Variants in PDE3B observed in about 807,000 individuals in gnomAD.
PDE3B encodes phosphodiesterase 3B.
In PDE3B, 66 loss-of-function variants were observed where a neutral mutation model predicts 116.8. The observed-to-expected ratio is 0.56, with a 90% confidence interval of 0.46 to 0.69. PDE3B has a LOEUF of 0.69. Among genes scored for constraint, PDE3B ranks in the 30% least tolerant of loss-of-function variants. The pLI is 0.00. For missense variants in PDE3B, 1,384 were observed against 1,368.1 expected, an observed-to-expected ratio of 1.01 and a Z score of -0.18; for synonymous variants, 595 against 533.6, an observed-to-expected ratio of 1.12 and a Z score of -1.59.
chr11:14,860,799 G>C (rs1555006998), intron 13 of PDE3B, among the ~76,000 whole-genome samples: 1 of 152,002 alleles, frequency 6.6e-6, no homozygotes. Context: ...TTCACAGCAA[G>C]GGCAAACTTC....
chr11:14,788,505 A>G (rs548525673), intron 3 of PDE3B, among the ~76,000 whole-genome samples: 2 of 152,142 alleles, frequency 1.3e-5, no homozygotes, highest in South Asian at 2.1e-4. Context: ...AGCAGAAACT[A>G]TTATGTAAAT....
At chr11:14,774,516 A>C (rs926008173) in intron 2 of PDE3B, 6 of 152,170 alleles carry the variant, frequency 3.9e-5, no homozygotes, top group Non-Finnish European at 7.4e-5. Flanking sequence ...GAAACATATG[A>C]CCATTGCTAC....
At chr11:14,733,252 G>A (rs1856509395) in intron 1 of PDE3B, among the ~76,000 whole-genome samples, 1 of 152,160 alleles carries the variant, frequency 6.6e-6, no homozygotes, top group Admixed American at 6.5e-5. Flanking sequence ...AGGAGTGAAT[G>A]TTTTATCTTG....
At chr11:14,705,370 G>A (rs529874007) in intron 1 of PDE3B, among the ~76,000 whole-genome samples, 1 of 151,672 alleles carries the variant, frequency 6.6e-6, no homozygotes, top group South Asian at 2.1e-4. Context: ...AAAACATGAC[G>A]CTAAATGGAG....
chr11:14,728,710 C>A (rs1201097814), intron 1 of PDE3B, among the ~76,000 whole-genome samples: 1 of 152,028 alleles, frequency 6.6e-6, no homozygotes, highest in Non-Finnish European at 1.5e-5. Flanking sequence ...CCTTCTTAAA[C>A]AGGTAATTAT....
intron 1 of PDE3B, among the ~76,000 whole-genome samples, chr11:14,650,199 ATG>A (rs1466476642): frequency 6.8e-6 from 1 of 148,084 alleles, no homozygotes; most frequent in Non-Finnish European, 1.5e-5. Flanking sequence ...GCATTCAGCA[ATG>A]TTTTTTTTTT....
rs576469044 is a variant in PDE3B, at chr11:14,845,559, C to G, written c.2520+1533C>G. Among the ~76,000 whole-genome samples, 80 of 152,228 alleles carry G rather than the reference C, an allele frequency of 5.3e-4. 1 individual carries two copies. Among genetic ancestry groups the G allele is most frequent in the African/African-American group, 1.9e-3 (79 of 41,542 alleles). On this transcript the variant is annotated intron_variant, in intron 12 of 15. Transcript: ENST00000282096. ...TTACTCTGAGCTACAGGAGGAAATT[C>G]AAACCAAAGGCAAAGAAGTTGAAAA...
chr11:14,892,637 T>G, the PDE3B span, among the ~76,000 whole-genome samples: 90 of 152,338 alleles, frequency 5.9e-4, no homozygotes, highest in African/African-American at 2.0e-3. Flanking sequence ...TGATCAACAC[T>G]GCAGTCTTTA....
intron 1 of PDE3B, among the ~76,000 whole-genome samples, chr11:14,655,419 C>G (rs1853689303): frequency 6.6e-6 from 1 of 151,968 alleles, no homozygotes; most frequent in African/African-American, 2.4e-5. Flanking sequence ...TTATTTATAC[C>G]TTTAATTCAT....
chr11:14,896,700 T>G, the PDE3B span, among the ~76,000 whole-genome samples: 1 of 152,200 alleles, frequency 6.6e-6, no homozygotes, highest in East Asian at 1.9e-4. Flanking sequence ...CTACAATTCT[T>G]CCCTATCAAC....
chr11:14,739,777 A>G (rs1407889675), intron 1 of PDE3B, among the ~76,000 whole-genome samples: 1 of 152,178 alleles, frequency 6.6e-6, no homozygotes, highest in African/African-American at 2.4e-5. Flanking sequence ...GATACGTTCC[A>G]TCGACACCTA....
At chr11:14,837,960 A>T (rs1431792416) in intron 11 of PDE3B, among the ~76,000 whole-genome samples, 2 of 149,322 alleles carry the variant, frequency 1.3e-5, no homozygotes, top group Non-Finnish European at 3.0e-5. Context: ...AGAAACCCTT[A>T]TTTTTTTTTT....
At chr11:14,760,054 T>C (rs1296303951) in intron 1 of PDE3B, among the ~76,000 whole-genome samples, 2 of 152,186 alleles carry the variant, frequency 1.3e-5, no homozygotes, top group East Asian at 1.9e-4. Flanking sequence ...TATTGCAATA[T>C]AATATTGTTG....
At chr11:14,861,493 T>G in intron 14 of PDE3B, 127 bp downstream of exon 14, 2 of 819,844 alleles carry the variant, frequency 2.4e-6, no homozygotes, top group South Asian at 1.7e-5. Flanking sequence ...GGGTTAAAAA[T>G]TGTTGCATTT....
At chr11:14,681,296 C>T (rs1854698476) in intron 1 of PDE3B, among the ~76,000 whole-genome samples, 1 of 152,072 alleles carries the variant, frequency 6.6e-6, no homozygotes, top group African/African-American at 2.4e-5. Flanking sequence ...GGCTGTGTTC[C>T]CACCCAAATC....
In PDE3B at chr11:14,871,626, A is replaced by G. The variant is rs1285121911; in HGVS notation, c.*1966A>G. ...AAAAGCAGCATTTTAAATTACGAATACTGGACTTATTGGATTTAATTATAA... is the reference window on the plus strand; with the variant it reads ...AAAAGCAGCATTTTAAATTACGAATGCTGGACTTATTGGATTTAATTATAA... On this transcript the variant is annotated 3_prime_UTR_variant, in exon 16 of 16. Transcript: ENST00000282096. 9 of 152,262 alleles carry G rather than the reference A, an allele frequency of 5.9e-5. No homozygotes were observed. In the East Asian group the frequency reaches 1.3e-3, roughly 23 times the overall value. 9.4% of individuals were successfully genotyped at this position (152,262 alleles called of 1,614,324 possible). A position where few individuals can be genotyped will look rare whatever the true frequency, so the allele number is the denominator to read the frequency against.
In PDE3B at chr11:14,804,055, GA is replaced by G. The variant is rs776732804; in HGVS notation, c.1522+8del. The G allele has an allele frequency of 5.3e-6, 8 of 1,519,468 alleles. No individual in the cohort carries two copies. The East Asian group carries it at 1.8e-4, about 34-fold the overall frequency. 94.1% of individuals were successfully genotyped at this position (1,519,468 alleles called of 1,614,324 possible). ...ATGTAGGTCTCAGAAGAGCTGGTAA[GA>G]AATCATTCTTTATGACTCAAATATG... On this transcript the variant is annotated splice_donor_region_variant and intron_variant, in intron 5 of 15. Coordinates refer to ENST00000282096, the MANE Select transcript of PDE3B (RefSeq NM_000922.4).
chr11:14,896,688 T>G, the PDE3B span, among the ~76,000 whole-genome samples: 1 of 152,194 alleles, frequency 6.6e-6, no homozygotes, highest in Non-Finnish European at 1.5e-5. Flanking sequence ...TGGAAGATGT[T>G]ACTACAATTC....
chr11:14,651,968 A>T (rs530558033), intron 1 of PDE3B, among the ~76,000 whole-genome samples: 1 of 152,176 alleles, frequency 6.6e-6, no homozygotes, highest in South Asian at 2.1e-4. Flanking sequence ...TTCAATTTTG[A>T]TGAAGTTTAT....
Sources: allele counts gnomAD v4.1 joint callset (sites outside exome capture counted in the v4.1 genomes callset), GRCh38; gene constraint gnomAD v4.1.1; transcripts MANE v1.5; gene names NCBI Gene and HGNC (gene_info 2026-07-23, HGNC 2026-07-21).